Variants in MAML3 observed in about 807,000 individuals in gnomAD.
MAML3 encodes the protein mastermind-like protein 3.
A neutral mutation model predicts 101.9 loss-of-function variants in MAML3; 27 were observed. The observed-to-expected ratio is 0.27, with a 90% CI of 0.20 to 0.37. The LOEUF is 0.37. MAML3 is among the 10% of genes least tolerant of loss of function. MAML3 has a pLI of 1.00. For synonymous variants in MAML3, 501 were observed against 555.9 expected, an observed-to-expected ratio of 0.90 and a Z score of 1.39; for missense variants, 1,316 against 1,444.9, an observed-to-expected ratio of 0.91 and a Z score of 1.45.
chr4:139,880,010 T>C (rs1732188608), intron 2 of MAML3, among the ~76,000 whole-genome samples: 1 of 151,892 alleles, frequency 6.6e-6, no homozygotes, highest in Non-Finnish European at 1.5e-5. Context: ...CCATCTCTAC[T>C]AAAATACAAA....
At chr4:140,102,103 C>T (rs1265246565) in intron 1 of MAML3, among the ~76,000 whole-genome samples, 1 of 152,096 alleles carries the variant, frequency 6.6e-6, no homozygotes, top group African/African-American at 2.4e-5. Flanking sequence ...AAGTACTCAG[C>T]AAAAAGCTGA....
Position 139,728,632 on chromosome 4 carries a change from C to CCAAATGTG in MAML3, c.2331+1783_2331+1784insCACATTTG, listed in dbSNP as rs1728573646. 2.0e-5 allele frequency among the ~76,000 whole-genome samples: 3 copies of CCAAATGTG among 152,178 alleles called. No individual in the cohort carries two copies. In the South Asian group the frequency reaches 6.2e-4, roughly 32 times the overall value. ...CATCATCTTTTGGTACACACAGTTGCTACGGAATGATCCACAGGTCACGGC... is the reference window on the plus strand; with the variant it reads ...CATCATCTTTTGGTACACACAGTTGCCAAATGTGTACGGAATGATCCACAGGTCACGGC... On this transcript the variant is annotated intron_variant, in intron 3 of 4. Coordinates refer to ENST00000509479, the MANE Select transcript of MAML3 (RefSeq NM_018717.5).
intron 1 of MAML3, among the ~76,000 whole-genome samples, chr4:139,945,169 C>T (rs1186147096): frequency 6.6e-6 from 1 of 152,176 alleles, no homozygotes; most frequent in African/African-American, 2.4e-5. Context: ...TTCCTTTTCT[C>T]CTTATTTACT....
At chr4:140,147,821 A>G (rs1729090984) in intron 1 of MAML3, among the ~76,000 whole-genome samples, 1 of 152,244 alleles carries the variant, frequency 6.6e-6, no homozygotes, top group Non-Finnish European at 1.5e-5. Flanking sequence ...AGTACTTCAA[A>G]TATATCCAAG....
intron 1 of MAML3, among the ~76,000 whole-genome samples, chr4:139,955,208 T>C (rs2110765147): frequency 6.6e-6 from 1 of 152,312 alleles, no homozygotes; most frequent in Middle Eastern, 3.4e-3. Context: ...AAAGGGAAAC[T>C]AAATAGATGC....
chr4:139,745,326 G>A (rs897127698), intron 2 of MAML3, among the ~76,000 whole-genome samples: 6 of 152,092 alleles, frequency 3.9e-5, no homozygotes, highest in Non-Finnish European at 7.3e-5. Flanking sequence ...GGGAATAAAC[G>A]CTAAATGCAT....
intron 1 of MAML3, among the ~76,000 whole-genome samples, chr4:139,922,903 G>A (rs1441451673): frequency 1.3e-5 from 2 of 152,168 alleles, no homozygotes; most frequent in African/African-American, 2.4e-5. Flanking sequence ...CTATCTAATG[G>A]GTGTAAGGAT....
At chr4:140,101,622 T>C (rs764839892) in intron 1 of MAML3, among the ~76,000 whole-genome samples, 1 of 152,204 alleles carries the variant, frequency 6.6e-6, no homozygotes, top group Non-Finnish European at 1.5e-5. Flanking sequence ...GAAATGTTTG[T>C]GTCTTCATTT....
In MAML3 at chr4:139,836,328, T is replaced by A. The variant is rs564357880; in HGVS notation, c.2079+53029A>T. On this transcript the variant is annotated intron_variant, in intron 2 of 4. Coordinates refer to ENST00000509479, the MANE Select transcript of MAML3 (RefSeq NM_018717.5). ...CACCCGCCTATCGTCTGCCAGCTCATCAGTAAATGAAAAAAGCTAGAAGGG... is the reference window on the plus strand; with the variant it reads ...CACCCGCCTATCGTCTGCCAGCTCAACAGTAAATGAAAAAAGCTAGAAGGG... Among the ~76,000 whole-genome samples, 53 of 152,150 alleles carry A rather than the reference T, an allele frequency of 3.5e-4. No homozygotes were observed. The Middle Eastern group carries it at 0.01, about 29-fold the overall frequency.
At chr4:139,975,869 T>C (rs1734330194) in intron 1 of MAML3, among the ~76,000 whole-genome samples, 1 of 152,196 alleles carries the variant, frequency 6.6e-6, no homozygotes, top group South Asian at 2.1e-4. Context: ...CAGGGGCTGT[T>C]AACTATCTCA....
At chr4:139,725,617 A>T in intron 4 of MAML3, 134 bp downstream of exon 4, 2 of 878,176 alleles carry the variant, frequency 2.3e-6, no homozygotes, top group Non-Finnish European at 3.7e-6. Flanking sequence ...TAGTACTCTT[A>T]ACCTACCAGT....
At chr4:140,038,146 T>C (rs1727019439) in intron 1 of MAML3, among the ~76,000 whole-genome samples, 1 of 152,210 alleles carries the variant, frequency 6.6e-6, no homozygotes, top group Non-Finnish European at 1.5e-5. Flanking sequence ...CAGAAAGAAA[T>C]GCACTCGGAA....
intron 1 of MAML3, among the ~76,000 whole-genome samples, chr4:140,073,717 T>C (rs1268027214): frequency 6.6e-6 from 1 of 152,176 alleles, no homozygotes; most frequent in Non-Finnish European, 1.5e-5. Context: ...AATCCATATG[T>C]TGCTTTTTGC....
At chr4:139,728,994 CG>C (rs2110982805) in intron 3 of MAML3, among the ~76,000 whole-genome samples, 1 of 152,188 alleles carries the variant, frequency 6.6e-6, no homozygotes, top group East Asian at 1.9e-4. Context: ...CAGCTGCCCT[CG>C]GCAGCTCCAT....
At chr4:139,823,373 C>T (rs1385914385) in intron 2 of MAML3, among the ~76,000 whole-genome samples, 1 of 152,178 alleles carries the variant, frequency 6.6e-6, no homozygotes, top group Non-Finnish European at 1.5e-5. Context: ...ACCCTCCAAC[C>T]CTGAGCTCTT....
At chr4:139,990,135 T>A (rs1017093087) in intron 1 of MAML3, among the ~76,000 whole-genome samples, 1 of 152,070 alleles carries the variant, frequency 6.6e-6, no homozygotes, top group Non-Finnish European at 1.5e-5. Context: ...CTCTATAGAG[T>A]CATACAGACA....
chr4:140,072,067 G>A (rs1052917072), intron 1 of MAML3, among the ~76,000 whole-genome samples: 5 of 152,098 alleles, frequency 3.3e-5, no homozygotes, highest in Non-Finnish European at 5.9e-5. Context: ...AGACACTTCC[G>A]GCTTTCATTC....
At chr4:139,776,955 G>A (rs929798680) in intron 2 of MAML3, among the ~76,000 whole-genome samples, 6 of 152,212 alleles carry the variant, frequency 3.9e-5, no homozygotes, top group African/African-American at 1.4e-4. Flanking sequence ...GTTCTCCAAA[G>A]CAAGATGAAA....
intron 2 of MAML3, among the ~76,000 whole-genome samples, chr4:139,755,539 C>A (rs913462274): frequency 2.0e-5 from 3 of 152,238 alleles, no homozygotes; most frequent in Admixed American, 6.5e-5. Flanking sequence ...ACCCGGGAGG[C>A]GGAGCTTGCA....
Sources: gnomAD v4.1 joint callset for allele counts (sites outside exome capture counted in the v4.1 genomes callset) on GRCh38, gnomAD v4.1.1 for gene constraint, MANE v1.5 for transcripts, NCBI Gene and HGNC (gene_info 2026-07-23, HGNC 2026-07-21) for gene names.